Variants in THSD7B observed in about 807,000 individuals in gnomAD.
THSD7B encodes the protein thrombospondin type-1 domain-containing protein 7B.
A neutral mutation model predicts 213.6 loss-of-function variants in THSD7B; 138 were observed. That is an observed-to-expected ratio of 0.65 (90% CI 0.56 to 0.74). The LOEUF (loss-of-function observed/expected upper bound fraction) is 0.74, where lower values mean the gene tolerates loss of function less well. Among genes scored for constraint, THSD7B ranks in the 30% least tolerant of loss-of-function variants. THSD7B has a pLI of 0.00. For synonymous variants in THSD7B, 742 were observed against 687.0 expected, an observed-to-expected ratio of 1.08 and a Z score of -1.25; for missense variants, 1,931 against 1,991.5, an observed-to-expected ratio of 0.97 and a Z score of 0.58.
chr2:136,904,812 A>AAGAGAGAG (rs5834524), intron 2 of THSD7B, among the ~76,000 whole-genome samples: 1 of 151,950 alleles, frequency 6.6e-6, no homozygotes, highest in Admixed American at 6.6e-5. Context: ...AGAATAAAAA[A>AAGAGAGAG]AGAGAGAGAA....
At chr2:137,562,917 G>T (rs146819153) in intron 15 of THSD7B, among the ~76,000 whole-genome samples, 1 of 152,090 alleles carries the variant, frequency 6.6e-6, no homozygotes, top group Non-Finnish European at 1.5e-5. Context: ...TGCTGTGTGA[G>T]CTCTCAGAGG....
At chr2:137,304,857 CATA>C (rs1437589159) in intron 12 of THSD7B, among the ~76,000 whole-genome samples, 1 of 151,938 alleles carries the variant, frequency 6.6e-6, no homozygotes, top group African/African-American at 2.4e-5. Flanking sequence ...ATGTAATATT[CATA>C]ATATTTCTAA....
intron 6 of THSD7B, among the ~76,000 whole-genome samples, chr2:137,165,527 G>A (rs993072440): frequency 1.3e-5 from 2 of 152,048 alleles, no homozygotes; most frequent in African/African-American, 4.8e-5. Flanking sequence ...TGATTCTACT[G>A]TGAGTAGAAT....
At chr2:137,163,208 T>C (rs1282036346) in intron 6 of THSD7B, among the ~76,000 whole-genome samples, 2 of 152,284 alleles carry the variant, frequency 1.3e-5, no homozygotes, top group East Asian at 3.9e-4. Context: ...TGTGCAGATA[T>C]ACCCTGGTCC....
At chr2:137,241,359 C>T (rs1558970406) in intron 9 of THSD7B, among the ~76,000 whole-genome samples, 1 of 152,152 alleles carries the variant, frequency 6.6e-6, no homozygotes, top group Non-Finnish European at 1.5e-5. Flanking sequence ...GATTGTTAGC[C>T]ATCTCTACTC....
chr2:136,901,116 T>A (rs74358438), intron 2 of THSD7B, among the ~76,000 whole-genome samples: 2,499 of 152,310 alleles, frequency 0.016, 33 homozygotes, highest in Middle Eastern at 0.02. Flanking sequence ...AACAAAGTTT[T>A]GATCTGAAAT....
At chr2:137,310,311 A>G (rs1683864589) in intron 12 of THSD7B, among the ~76,000 whole-genome samples, 1 of 148,450 alleles carries the variant, frequency 6.7e-6, no homozygotes, top group South Asian at 2.2e-4. Context: ...TCTTTTGAGA[A>G]GTGTCTGTTC....
intron 2 of THSD7B, among the ~76,000 whole-genome samples, chr2:136,968,977 G>C (rs1232853947): frequency 6.6e-6 from 1 of 152,076 alleles, no homozygotes; most frequent in African/African-American, 2.4e-5. Flanking sequence ...CAGTTGCCCA[G>C]AGAAAACATC....
At chr2:137,249,785 C>A (rs568807879) in intron 10 of THSD7B, among the ~76,000 whole-genome samples, 1 of 152,198 alleles carries the variant, frequency 6.6e-6, no homozygotes, top group Non-Finnish European at 1.5e-5. Context: ...CCCACGACAA[C>A]GAGCTACTTG....
At chr2:137,585,288 C>A (rs564624816) in intron 17 of THSD7B, among the ~76,000 whole-genome samples, 1 of 152,136 alleles carries the variant, frequency 6.6e-6, no homozygotes, top group East Asian at 1.9e-4. Context: ...TTCAAAAAAA[C>A]CAGCTCCTGG....
intron 6 of THSD7B, 148 bp downstream of exon 6, chr2:137,160,516 G>T: frequency 9.7e-7 from 1 of 1,026,790 alleles, no homozygotes; most frequent in African/African-American, 1.6e-5. Context: ...TCAGTTTTAG[G>T]GAGGCAACTG....
At chr2:137,069,147 A>G (rs1687432939) in intron 3 of THSD7B, among the ~76,000 whole-genome samples, 1 of 151,770 alleles carries the variant, frequency 6.6e-6, no homozygotes. Flanking sequence ...TTTCTTTTTC[A>G]TTTTGACAGG....
At chr2:137,293,803 C>G (rs1683394191) in intron 12 of THSD7B, among the ~76,000 whole-genome samples, 1 of 152,112 alleles carries the variant, frequency 6.6e-6, no homozygotes, top group South Asian at 2.1e-4. Context: ...ATCATGTCAC[C>G]TGGACTATTA....
At chr2:137,253,966 T>C (rs1682247314) in intron 10 of THSD7B, among the ~76,000 whole-genome samples, 1 of 152,170 alleles carries the variant, frequency 6.6e-6, no homozygotes, top group Non-Finnish European at 1.5e-5. Context: ...CATTGGGATC[T>C]TAATATATCA....
chr2:137,153,230 C>T (rs1450179913), intron 5 of THSD7B, among the ~76,000 whole-genome samples: 1 of 151,962 alleles, frequency 6.6e-6, no homozygotes, highest in Non-Finnish European at 1.5e-5. Flanking sequence ...TTATTTTTCT[C>T]CTGAGGAGTG....
At chr2:137,628,582 T>C (rs569306305) in intron 20 of THSD7B, among the ~76,000 whole-genome samples, 1 of 149,318 alleles carries the variant, frequency 6.7e-6, no homozygotes, top group East Asian at 2.0e-4. Context: ...TGTCTTTCAT[T>C]GAAACAGTTG....
intron 1 of THSD7B, among the ~76,000 whole-genome samples, chr2:136,769,749 C>G (rs565079901): frequency 7.2e-5 from 11 of 152,098 alleles, no homozygotes; most frequent in African/African-American, 2.2e-4. Flanking sequence ...AATTTTTTGA[C>G]GTTAAAAAGA....
At chr2:137,644,835 G>C (rs1054188317) in intron 21 of THSD7B, among the ~76,000 whole-genome samples, 2 of 152,194 alleles carry the variant, frequency 1.3e-5, no homozygotes, top group African/African-American at 4.8e-5. Flanking sequence ...GCCTTCACAA[G>C]TATCAACCCA....
At chr2:136,871,758 A>C (rs1322669639) in intron 1 of THSD7B, among the ~76,000 whole-genome samples, 1 of 152,138 alleles carries the variant, frequency 6.6e-6, no homozygotes, top group African/African-American at 2.4e-5. Flanking sequence ...CTCATTGGGG[A>C]AGCTGAGGCA....
Sources: allele counts gnomAD v4.1 joint callset (sites outside exome capture counted in the v4.1 genomes callset), GRCh38; gene constraint gnomAD v4.1.1; transcripts MANE v1.5; gene names NCBI Gene and HGNC (gene_info 2026-07-23, HGNC 2026-07-21).